DLGAP2: variants seen among roughly 807,000 people sequenced by gnomAD.
DLGAP2 encodes the protein DLG associated protein 2.
A neutral mutation model predicts 100.3 loss-of-function variants in DLGAP2; 26 were observed. That is an observed-to-expected ratio of 0.26 (90% confidence interval 0.19 to 0.36). The LOEUF (loss-of-function observed/expected upper bound fraction) is 0.36, where lower values mean the gene tolerates loss of function less well. Ranked by LOEUF, DLGAP2 falls within the 10% of genes least tolerant of loss-of-function variation. The pLI, the probability that DLGAP2 is intolerant of heterozygous loss-of-function variation, is 1.00. For synonymous variants in DLGAP2, 886 were observed against 630.1 expected, an observed-to-expected ratio of 1.41 and a Z score of -6.08; for missense variants, 1,858 against 1,453.2, an observed-to-expected ratio of 1.28 and a Z score of -4.53.
chr8:1,358,538 T>G (rs1801906661), intron 3 of DLGAP2, among the ~76,000 whole-genome samples: 1 of 152,164 alleles, frequency 6.6e-6, no homozygotes, highest in Non-Finnish European at 1.5e-5. Flanking sequence ...TTGCATTCCT[T>G]AACATCACGC....
At chr8:1,222,013 T>C (rs1467035786) in intron 2 of DLGAP2, among the ~76,000 whole-genome samples, 1 of 152,220 alleles carries the variant, frequency 6.6e-6, no homozygotes, top group Admixed American at 6.5e-5. Flanking sequence ...TTTCCTTGGA[T>C]TAGGTTTCAA....
intron 3 of DLGAP2, among the ~76,000 whole-genome samples, chr8:1,413,942 C>T (rs550910765): frequency 1.3e-4 from 20 of 152,174 alleles, no homozygotes; most frequent in African/African-American, 1.7e-4. Flanking sequence ...CCAAACTCAT[C>T]GTAAGCTGTT....
chr8:1,417,829 A>T (rs1238541492), intron 3 of DLGAP2, among the ~76,000 whole-genome samples: 1 of 152,174 alleles, frequency 6.6e-6, no homozygotes, highest in Non-Finnish European at 1.5e-5. Flanking sequence ...CATTTGAAGA[A>T]TTCGATTATT....
At chr8:1,284,861 G>A (rs988429038) in intron 3 of DLGAP2, among the ~76,000 whole-genome samples, 1 of 152,080 alleles carries the variant, frequency 6.6e-6, no homozygotes, top group Non-Finnish European at 1.5e-5. Context: ...CAAAGTGCTG[G>A]GATTACAGGC....
intron 2 of DLGAP2, among the ~76,000 whole-genome samples, chr8:1,031,376 T>C (rs1038631727): frequency 6.6e-6 from 1 of 152,106 alleles, no homozygotes; most frequent in South Asian, 2.1e-4. Flanking sequence ...GACATCGAGA[T>C]TTCTTGCACT....
At chr8:1,162,432 G>A (rs1193693505) in intron 2 of DLGAP2, among the ~76,000 whole-genome samples, 1 of 152,158 alleles carries the variant, frequency 6.6e-6, no homozygotes, top group African/African-American at 2.4e-5. Flanking sequence ...ATCAGTTAAA[G>A]CAGTCTGTTT....
chr8:1,201,368 G>T (rs1563249805), intron 2 of DLGAP2, among the ~76,000 whole-genome samples: 1 of 152,166 alleles, frequency 6.6e-6, no homozygotes, highest in African/African-American at 2.4e-5. Context: ...TGGGGCAGGG[G>T]GCTCCCCCTT....
chr8:1,707,218 A>G lies in DLGAP2; in HGVS notation c.*5812A>G, dbSNP rs1002076239. 2 of 152,560 alleles carry G rather than the reference A, an allele frequency of 1.3e-5. No individual in the cohort carries two copies. The highest frequency in any genetic ancestry group is 2.4e-5 in the African/African-American group (1 of 41,436). 9.5% of individuals were successfully genotyped at this position (152,560 alleles called of 1,614,324 possible). On this transcript the variant is annotated 3_prime_UTR_variant, in exon 15 of 15. Coordinates refer to ENST00000637795, the MANE Select transcript of DLGAP2 (RefSeq NM_001346810.2). The stretch of plus-strand genomic sequence containing the variant: ...GGGCATCCAAGCTTTCACCTACTCA[A>G]TGGAGGAGAGGTGATAATGAATGAA...
chr8:1,343,865 A>G (rs1202662610), intron 3 of DLGAP2, among the ~76,000 whole-genome samples: 2 of 152,060 alleles, frequency 1.3e-5, no homozygotes, highest in Non-Finnish European at 2.9e-5. Flanking sequence ...TCCAGGGAGT[A>G]GGGGGAGCTC....
In DLGAP2 at chr8:1,549,329, C is replaced by G. The variant is rs1433993721; in HGVS notation, c.876C>G (p.Gly292=). 6.2e-7 allele frequency: 1 copy of G among 1,613,098 alleles called. No individual in the cohort carries two copies. Among genetic ancestry groups the G allele is most frequent in the Non-Finnish European group, 8.5e-7 (1 of 1,179,742 alleles). ...ERKPEGKPRP[G]MSSWWSSDDN... is the part of the protein sequence containing the mutation. ...AGCCGGAGGGCAAGCCCCGGCCCGG[C>G]ATGAGCAGCTGGTGGAGCTCGGACG... is the stretch of plus-strand genomic sequence containing the variant. The change falls in exon 5 of 15, where the codon GGC becomes GGG. Residue 292 remains glycine (G), a synonymous_variant. Coordinates refer to ENST00000637795, the MANE Select transcript of DLGAP2 (RefSeq NM_001346810.2).
chr8:866,879 TCTC>T (rs1181827741), intron 1 of DLGAP2, among the ~76,000 whole-genome samples: 2 of 152,184 alleles, frequency 1.3e-5, no homozygotes, highest in Non-Finnish European at 2.9e-5. Context: ...GAGCCGGTGT[TCTC>T]CTGTCGCCCC....
chr8:962,676 A>G (rs1799754648), intron 2 of DLGAP2, among the ~76,000 whole-genome samples: 1 of 152,028 alleles, frequency 6.6e-6, no homozygotes, highest in Non-Finnish European at 1.5e-5. Context: ...TCCCGGCAAC[A>G]ACGACATCAG....
intron 2 of DLGAP2, among the ~76,000 whole-genome samples, chr8:1,069,174 A>G (rs1418309759): frequency 6.6e-6 from 1 of 152,170 alleles, no homozygotes; most frequent in Non-Finnish European, 1.5e-5. Flanking sequence ...GTGGAGAACG[A>G]ATTGGGCCCC....
chr8:1,411,522 C>T (rs956767719), intron 3 of DLGAP2, among the ~76,000 whole-genome samples: 8 of 152,172 alleles, frequency 5.3e-5, no homozygotes, highest in South Asian at 2.1e-4. Context: ...GGCAGGAAGA[C>T]GGAGTCATAA....
intron 2 of DLGAP2, among the ~76,000 whole-genome samples, chr8:948,955 C>G (rs1288726431): frequency 6.6e-6 from 1 of 151,956 alleles, no homozygotes; most frequent in East Asian, 1.9e-4. Flanking sequence ...GAGCAGGGCC[C>G]GTGGGCGTGA....
At chr8:1,599,550 G>C (rs989336201) in intron 6 of DLGAP2, among the ~76,000 whole-genome samples, 1 of 152,114 alleles carries the variant, frequency 6.6e-6, no homozygotes, top group East Asian at 1.9e-4. Flanking sequence ...CTCCTGTATT[G>C]GGTGCTCCTG....
chr8:892,299 C>T (rs532339399), intron 1 of DLGAP2, among the ~76,000 whole-genome samples: 8 of 152,278 alleles, frequency 5.3e-5, no homozygotes, highest in South Asian at 4.2e-4. Flanking sequence ...CAGCAGCTAG[C>T]GTGTCCGTCC....
chr8:1,668,296 C>T (rs988365672), intron 8 of DLGAP2, 33 bp from the exon 9 acceptor site: 11 of 1,448,740 alleles, frequency 7.6e-6, no homozygotes, highest in Admixed American at 5.6e-5. Flanking sequence ...GGGAAGAACA[C>T]GCCTGTTGAC....
chr8:932,862 G>T (rs1482147296), intron 2 of DLGAP2, among the ~76,000 whole-genome samples: 1 of 152,196 alleles, frequency 6.6e-6, no homozygotes, highest in Admixed American at 6.5e-5. Context: ...ATAACCAACA[G>T]TTTGAAAAAG....
Sources: gnomAD v4.1 joint callset for allele counts (sites outside exome capture counted in the v4.1 genomes callset) on GRCh38, gnomAD v4.1.1 for gene constraint, MANE v1.5 for transcripts, NCBI Gene and HGNC (gene_info 2026-07-23, HGNC 2026-07-21) for gene names.